SEC14L1: variants seen among roughly 807,000 people sequenced by gnomAD.
SEC14L1 encodes the protein SEC14-like protein 1.
SEC14L1 carries 48 observed loss-of-function variants against 85.3 expected under a neutral mutation model. The observed-to-expected ratio is 0.56, with a 90% CI of 0.45 to 0.72. The LOEUF (loss-of-function observed/expected upper bound fraction) is 0.72. SEC14L1 is among the 30% of genes least tolerant of loss of function. The probability of loss-of-function intolerance (pLI) is 0.00; values close to 1 mark genes in which losing one functional copy is unlikely to be tolerated. For missense variants in SEC14L1, 682 were observed against 921.4 expected, an observed-to-expected ratio of 0.74 and a Z score of 3.36; for synonymous variants, 391 against 355.5, an observed-to-expected ratio of 1.10 and a Z score of -1.12.
At position 77,169,760 on chromosome 17, in the gene SEC14L1, A is replaced by G. The variant is rs542156804; in HGVS notation, c.64-21043A>G. Among the ~76,000 whole-genome samples, 5 of 152,264 alleles carry G rather than the reference A, an allele frequency of 3.3e-5. No individual in the cohort carries two copies. The South Asian group carries it at 1.0e-3, about 32-fold the overall frequency. On this transcript the variant is annotated intron_variant, in intron 3 of 16. Transcript: ENST00000436233. The stretch of plus-strand genomic sequence containing the variant: ...ATCCTTTGGGGTCCTTTCCAGGAAT[A>G]TTAGCTCCTGGGCCATAGAAGTGAC...
intron 4 of SEC14L1, 26 bp downstream of exon 4, chr17:77,190,978 A>T (rs1181291974): frequency 6.2e-7 from 1 of 1,609,778 alleles, no homozygotes; most frequent in South Asian, 1.1e-5. Flanking sequence ...GACGTCTTGG[A>T]GGGAAAGGGC....
intron 3 of SEC14L1, among the ~76,000 whole-genome samples, chr17:77,126,145 C>T (rs1400761864): frequency 2.0e-5 from 3 of 152,174 alleles, no homozygotes; most frequent in South Asian, 2.1e-4. Context: ...AGCGAGACTC[C>T]GTCTCAAAAA....
At chr17:77,187,523 G>A (rs1190869885) in intron 3 of SEC14L1, among the ~76,000 whole-genome samples, 3 of 152,054 alleles carry the variant, frequency 2.0e-5, no homozygotes, top group African/African-American at 7.2e-5. Flanking sequence ...GATTACAGGT[G>A]TATGCCACCG....
At chr17:77,113,901 C>G (rs1382197194) in intron 3 of SEC14L1, among the ~76,000 whole-genome samples, 2 of 152,200 alleles carry the variant, frequency 1.3e-5, no homozygotes, top group Non-Finnish European at 2.9e-5. Context: ...CCGCTTCCCT[C>G]TGCAGTACAG....
intron 3 of SEC14L1, among the ~76,000 whole-genome samples, chr17:77,123,170 C>T (rs552015025): frequency 5.3e-4 from 81 of 152,006 alleles, no homozygotes; most frequent in African/African-American, 1.8e-3. Flanking sequence ...CTGCCTCAGC[C>T]TCCCGAGTAG....
chr17:77,119,086 G>T (rs909302573), intron 3 of SEC14L1, among the ~76,000 whole-genome samples: 8 of 152,116 alleles, frequency 5.3e-5, no homozygotes, highest in African/African-American at 1.9e-4. Context: ...GAGACGGGTG[G>T]ATTGCCTGAG....
chr17:77,173,731 C>T (rs942510233), intron 3 of SEC14L1, among the ~76,000 whole-genome samples: 1 of 152,148 alleles, frequency 6.6e-6, no homozygotes, highest in Non-Finnish European at 1.5e-5. Flanking sequence ...GTTGCTTTTT[C>T]TTATTTTTAG....
intron 3 of SEC14L1, among the ~76,000 whole-genome samples, chr17:77,133,250 T>G (rs1972667186): frequency 6.6e-6 from 1 of 152,190 alleles, no homozygotes; most frequent in Non-Finnish European, 1.5e-5. Context: ...GGCCGAAATT[T>G]CAGTGACTCC....
intron 3 of SEC14L1, among the ~76,000 whole-genome samples, chr17:77,145,801 C>T (rs1165707109): frequency 6.6e-6 from 1 of 152,104 alleles, no homozygotes; most frequent in Non-Finnish European, 1.5e-5. Context: ...GGGCCTCAGC[C>T]ACAGTTTTTC....
Position 77,155,724 on chromosome 17 carries a change from T to C in SEC14L1, c.63+12065T>C, listed in dbSNP as rs1333600359. On this transcript the variant is annotated intron_variant, in intron 3 of 16. Transcript: ENST00000436233. ...CAAATGATGAAGTGCCTGCACCTCA[T>C]CTTTATTTATTTATTTATTTAATTT... is the stretch of plus-strand genomic sequence containing the variant. Among the ~76,000 whole-genome samples, 4 of 152,180 alleles carry C rather than the reference T, an allele frequency of 2.6e-5. No homozygotes were observed. In the East Asian group the frequency reaches 7.7e-4, roughly 29 times the overall value.
intron 3 of SEC14L1, among the ~76,000 whole-genome samples, chr17:77,108,326 A>G (rs995684074): frequency 2.0e-5 from 3 of 152,126 alleles, no homozygotes; most frequent in Non-Finnish European, 4.4e-5. Context: ...CTTGCTACAG[A>G]CCTGGGTCCA....
chr17:77,117,553 T>C (rs1272614452), intron 3 of SEC14L1, among the ~76,000 whole-genome samples: 1 of 152,212 alleles, frequency 6.6e-6, no homozygotes, highest in Non-Finnish European at 1.5e-5. Context: ...GCTGATGAAT[T>C]AGCATAACTT....
rs1976955512 is a variant in SEC14L1 at position 77,214,741 on chromosome 17, T to C, written c.*718T>C. On this transcript the variant is annotated 3_prime_UTR_variant, in exon 17 of 17. Coordinates refer to ENST00000436233, the MANE Select transcript of SEC14L1 (RefSeq NM_001143998.2). ...CCTTTTCAAATCTTTTTGATACTTT[T>C]TAGAGCAGGATTTTTCTGTATGTGA... 1 of 985,374 alleles carries C rather than the reference T, an allele frequency of 1.0e-6. No individual in the cohort carries two copies. The highest frequency in any genetic ancestry group is 4.7e-5 in the South Asian group (1 of 21,292). The allele number at this position is 985,374 out of a possible 1,614,324, so 61.0% of individuals were successfully genotyped here.
At chr17:77,187,122 C>T (rs932198509) in intron 3 of SEC14L1, among the ~76,000 whole-genome samples, 1 of 152,124 alleles carries the variant, frequency 6.6e-6, no homozygotes, top group Non-Finnish European at 1.5e-5. Flanking sequence ...ATTTGAGATG[C>T]TCAACCAGTA....
intron 3 of SEC14L1, among the ~76,000 whole-genome samples, chr17:77,133,095 A>G (rs894157857): frequency 6.6e-6 from 1 of 151,686 alleles, no homozygotes; most frequent in African/African-American, 2.4e-5. Context: ...CTGTTCTGGA[A>G]CTCCTGGGCT....
At chr17:77,100,265 T>A (rs573194124) in intron 3 of SEC14L1, among the ~76,000 whole-genome samples, 1 of 152,238 alleles carries the variant, frequency 6.6e-6, no homozygotes, top group Non-Finnish European at 1.5e-5. Context: ...CTCCGAGCAC[T>A]GTGGTCATCT....
intron 3 of SEC14L1, chr17:77,145,135 G>GTGTATA (rs1362414893): frequency 1.4e-5 from 2 of 143,502 alleles, no homozygotes; most frequent in South Asian, 2.2e-4. Flanking sequence ...GTGTGTGTGT[G>GTGTATA]TATATATACA....
intron 3 of SEC14L1, among the ~76,000 whole-genome samples, chr17:77,104,234 CTCAG>C (rs1216905512): frequency 7.3e-5 from 11 of 150,458 alleles, no homozygotes; most frequent in African/African-American, 2.7e-4. Context: ...ATTCTCCTGC[CTCAG>C]TCAGCCTCCT....
rs34186028 is a variant in SEC14L1, at chr17:77,158,798, C to CTTTTTTTTTTTTTTTTTTTTTTTTTTTT, written c.63+15145_63+15172dup. Among the ~76,000 whole-genome samples, 9 of 39,242 alleles carry CTTTTTTTTTTTTTTTTTTTTTTTTTTTT rather than the reference C, an allele frequency of 2.3e-4. 4 individuals carry two copies. Among genetic ancestry groups the CTTTTTTTTTTTTTTTTTTTTTTTTTTTT allele is most frequent in the Non-Finnish European group, 1.8e-4 (4 of 22,436 alleles). The allele number at this position is 39,242 out of a possible 152,430, so 25.7% of individuals were successfully genotyped here. ...CAATTACATTTTATAGCTTTCTTTCCTTTTTTTTTTTTTTTTTTTTTTTTT... is the reference window on the plus strand; with the variant it reads ...CAATTACATTTTATAGCTTTCTTTCCTTTTTTTTTTTTTTTTTTTTTTTTTTTTTTTTTTTTTTTTTTTTTTTTTTTTT... On this transcript the variant is annotated intron_variant, in intron 3 of 16. Transcript: ENST00000436233.
Sources: gnomAD v4.1 joint callset for allele counts (sites outside exome capture counted in the v4.1 genomes callset) on GRCh38, gnomAD v4.1.1 for gene constraint, MANE v1.5 for transcripts, NCBI Gene and HGNC (gene_info 2026-07-23, HGNC 2026-07-21) for gene names.